PALLD: variants seen among roughly 807,000 people sequenced by gnomAD.
The protein encoded by PALLD is palladin.
In PALLD, 61 loss-of-function variants were observed where a neutral mutation model predicts 123.5. The observed-to-expected ratio is 0.49, with a 90% CI of 0.40 to 0.61. The LOEUF (loss-of-function observed/expected upper bound fraction) is 0.61, where lower values mean the gene tolerates loss of function less well. Ranked by LOEUF, PALLD falls within the 20% of genes least tolerant of loss-of-function variation. The pLI is 0.00. For synonymous variants in PALLD, 465 were observed against 496.4 expected (o/e 0.94, Z 0.84); for missense variants, 1,273 against 1,377.0 (o/e 0.92, Z 1.20).
intron 3 of PALLD, among the ~76,000 whole-genome samples, chr4:168,668,910 T>C (rs1779914806): frequency 6.6e-6 from 1 of 152,226 alleles, no homozygotes; most frequent in Non-Finnish European, 1.5e-5. Context: ...GAATGGGCTA[T>C]TTCTGTTGTT....
At chr4:168,739,578 C>A (rs1788124361) in intron 10 of PALLD, among the ~76,000 whole-genome samples, 1 of 152,098 alleles carries the variant, frequency 6.6e-6, no homozygotes, top group Non-Finnish European at 1.5e-5. Context: ...GAAATGTTCC[C>A]AACACAGAAA....
At chr4:168,613,891 T>A (rs773145843) in intron 2 of PALLD, among the ~76,000 whole-genome samples, 8 of 152,180 alleles carry the variant, frequency 5.3e-5, no homozygotes, top group Non-Finnish European at 1.0e-4. Flanking sequence ...TCCTACAAAG[T>A]CATGCCAACA....
chr4:168,743,119 A>G (rs1168965521), intron 10 of PALLD, among the ~76,000 whole-genome samples: 1 of 151,800 alleles, frequency 6.6e-6, no homozygotes, highest in Non-Finnish European at 1.5e-5. Flanking sequence ...TCACGCAATT[A>G]CTCTCTCAGG....
chr4:168,814,534 G>A (rs1008566624), intron 10 of PALLD, among the ~76,000 whole-genome samples: 2 of 152,114 alleles, frequency 1.3e-5, no homozygotes, highest in Admixed American at 1.3e-4. Context: ...GGAAAATAAG[G>A]TTCATAGGAC....
chr4:168,747,366 C>T (rs1340275922), intron 10 of PALLD, among the ~76,000 whole-genome samples: 1 of 152,176 alleles, frequency 6.6e-6, no homozygotes, highest in Non-Finnish European at 1.5e-5. Flanking sequence ...AAAGCATGCC[C>T]AGCTCTCAGC....
At chr4:168,716,823 T>A in intron 10 of PALLD, among the ~76,000 whole-genome samples, 1 of 152,204 alleles carries the variant, frequency 6.6e-6, no homozygotes, top group East Asian at 1.9e-4. Context: ...GCCTTTATCA[T>A]TCTCTTTATT....
Position 168,608,850 on chromosome 4 carries a change from A to ATT in PALLD, c.909-59325_909-59324dup, listed in dbSNP as rs11398274. On this transcript the variant is annotated intron_variant, in intron 2 of 21. Transcript: ENST00000505667. The stretch of plus-strand genomic sequence containing the variant: ...ATGAGGAAGGCGGAAAGCTATAACT[A>ATT]TTTTTTTTTTTTTTTTGCCTTACCA... Among the ~76,000 whole-genome samples, 610 of 135,772 alleles carry ATT rather than the reference A, an allele frequency of 4.5e-3. 5 individuals carry two copies. The highest frequency in any genetic ancestry group is 0.026 in the Admixed American group (354 of 13,558). The allele number at this position is 135,772 out of a possible 152,430, so 89.1% of individuals were successfully genotyped here.
At chr4:168,531,039 T>A (rs1330515497) in intron 2 of PALLD, among the ~76,000 whole-genome samples, 1 of 152,230 alleles carries the variant, frequency 6.6e-6, no homozygotes, top group Non-Finnish European at 1.5e-5. Flanking sequence ...AGCATATTTT[T>A]AAAATATTCT....
chr4:168,627,308 G>A (rs1168220983), intron 2 of PALLD, among the ~76,000 whole-genome samples: 3 of 152,088 alleles, frequency 2.0e-5, no homozygotes, highest in African/African-American at 2.4e-5. Flanking sequence ...TCAGGAGTTC[G>A]AGACCAGCCT....
chr4:168,842,839 G>A (rs964738802), intron 10 of PALLD, among the ~76,000 whole-genome samples: 1 of 152,156 alleles, frequency 6.6e-6, no homozygotes, highest in South Asian at 2.1e-4. Context: ...CCCGGTTTTG[G>A]AGAAATAAAA....
At chr4:168,752,787 C>T (rs1397574217) in intron 10 of PALLD, among the ~76,000 whole-genome samples, 1 of 151,832 alleles carries the variant, frequency 6.6e-6, no homozygotes, top group Non-Finnish European at 1.5e-5. Context: ...CTTGAAGCTA[C>T]TTTTTAGTGA....
At chr4:168,536,796 A>G (rs1361216370) in intron 2 of PALLD, among the ~76,000 whole-genome samples, 1 of 151,808 alleles carries the variant, frequency 6.6e-6, no homozygotes, top group Non-Finnish European at 1.5e-5. Context: ...GTGGAGACAC[A>G]AAGCCTAACT....
intron 10 of PALLD, among the ~76,000 whole-genome samples, chr4:168,736,902 G>C (rs554653497): frequency 8.5e-5 from 13 of 152,170 alleles, no homozygotes; most frequent in Non-Finnish European, 2.9e-5. Context: ...GGGGAGGGGA[G>C]TGGTTATTAA....
intron 10 of PALLD, among the ~76,000 whole-genome samples, chr4:168,725,115 A>T (rs1380565120): frequency 6.6e-6 from 1 of 152,222 alleles, no homozygotes; most frequent in East Asian, 1.9e-4. Flanking sequence ...TCTGGATGTG[A>T]AGCTAGTGAA....
chr4:168,858,714 C>T (rs1244077773), intron 10 of PALLD, among the ~76,000 whole-genome samples: 1 of 151,574 alleles, frequency 6.6e-6, no homozygotes, highest in South Asian at 2.1e-4. Context: ...CCTGGGAGGT[C>T]GAGGCTGCAG....
chr4:168,579,158 G>C (rs1769964328), intron 2 of PALLD, among the ~76,000 whole-genome samples: 1 of 152,186 alleles, frequency 6.6e-6, no homozygotes, highest in Admixed American at 6.6e-5. Context: ...ATCTCCCACA[G>C]TGGGGAGGTC....
intron 10 of PALLD, among the ~76,000 whole-genome samples, chr4:168,759,187 AAAAAAAAAAAAAAAAATATAT>A (rs1178841644): frequency 4.6e-5 from 1 of 21,508 alleles, no homozygotes; most frequent in Non-Finnish European, 1.0e-4. Context: ...CTCAAAAAAA[AAAAAAAAAAAAAAAAATATAT>A]ATATATATAT....
chr4:168,578,397 G>C (rs1414109462), intron 2 of PALLD, among the ~76,000 whole-genome samples: 1 of 151,992 alleles, frequency 6.6e-6, no homozygotes, highest in Non-Finnish European at 1.5e-5. Context: ...GTGATAGTGA[G>C]TGAGTTCTTA....
intron 2 of PALLD, among the ~76,000 whole-genome samples, chr4:168,585,840 A>C (rs1036456149): frequency 4.6e-5 from 7 of 152,174 alleles, no homozygotes; most frequent in African/African-American, 1.7e-4. Flanking sequence ...TAGTACTCTT[A>C]AGAGGCCAGA....
Sources: allele counts gnomAD v4.1 joint callset (sites outside exome capture counted in the v4.1 genomes callset), GRCh38; gene constraint gnomAD v4.1.1; transcripts MANE v1.5; gene names NCBI Gene and HGNC (gene_info 2026-07-23, HGNC 2026-07-21).